The following FGF12 variants were observed in gnomAD, a reference collection of about 807,000 sequenced individuals.
The protein encoded by FGF12 is fibroblast growth factor 12, also known as fibroblast growth factor 12B.
A neutral mutation model predicts 23.6 loss-of-function variants in FGF12; 14 were observed. The observed-to-expected ratio is 0.59, with a 90% CI of 0.39 to 0.93. FGF12 has a LOEUF of 0.93. FGF12 is among the 40% of genes least tolerant of loss of function. The probability of loss-of-function intolerance (pLI) is 0.00; values close to 1 mark genes in which losing one functional copy is unlikely to be tolerated. For synonymous variants in FGF12, 62 were observed against 77.3 expected, an observed-to-expected ratio of 0.80 and a Z score of 1.04; for missense variants, 175 against 217.8, an observed-to-expected ratio of 0.80 and a Z score of 1.24.
At chr3:192,495,543 G>T (rs956080060) in intron 2 of FGF12, among the ~76,000 whole-genome samples, 1 of 152,108 alleles carries the variant, frequency 6.6e-6, no homozygotes, top group Non-Finnish European at 1.5e-5. Flanking sequence ...ACTCCAGGAT[G>T]CTGTAAACTC....
At chr3:192,396,670 A>AT (rs1207625911) in intron 2 of FGF12, among the ~76,000 whole-genome samples, 2 of 152,222 alleles carry the variant, frequency 1.3e-5, no homozygotes, top group African/African-American at 4.8e-5. Flanking sequence ...CTCAAGGCTA[A>AT]TGTCACAGTT....
At chr3:192,609,463 C>T (rs560964476) in intron 2 of FGF12, among the ~76,000 whole-genome samples, 2 of 152,180 alleles carry the variant, frequency 1.3e-5, no homozygotes, top group Admixed American at 6.6e-5. Flanking sequence ...TTGCCTTATA[C>T]GGCTGTTGCC....
chr3:192,613,833 T>A (rs1292387078), intron 2 of FGF12, among the ~76,000 whole-genome samples: 1 of 151,968 alleles, frequency 6.6e-6, no homozygotes, highest in Non-Finnish European at 1.5e-5. Context: ...ATGCAAACTT[T>A]TTTTTTCAGT....
chr3:192,307,059 G>T (rs1200287167), intron 4 of FGF12, among the ~76,000 whole-genome samples: 2 of 152,178 alleles, frequency 1.3e-5, no homozygotes, highest in Non-Finnish European at 2.9e-5. Flanking sequence ...TCAACAAATA[G>T]TTGAAAATGT....
intron 4 of FGF12, among the ~76,000 whole-genome samples, chr3:192,206,466 G>A (rs1486740860): frequency 6.6e-6 from 1 of 152,148 alleles, no homozygotes; most frequent in African/African-American, 2.4e-5. Context: ...ATGACAGGAA[G>A]AACAAAACAA....
At chr3:192,480,001 G>T (rs771739522) in intron 2 of FGF12, among the ~76,000 whole-genome samples, 12 of 151,886 alleles carry the variant, frequency 7.9e-5, no homozygotes, top group Non-Finnish European at 1.5e-4. Context: ...AAGAAAGAAG[G>T]ATTTGGGGGC....
intron 4 of FGF12, among the ~76,000 whole-genome samples, chr3:192,239,754 C>T (rs940814329): frequency 6.6e-6 from 1 of 152,180 alleles, no homozygotes; most frequent in Non-Finnish European, 1.5e-5. Flanking sequence ...ATCTGGAAAC[C>T]ATCTCCAACC....
intron 4 of FGF12, among the ~76,000 whole-genome samples, chr3:192,286,370 T>C (rs1163371335): frequency 1.3e-5 from 2 of 152,044 alleles, no homozygotes; most frequent in East Asian, 3.8e-4. Flanking sequence ...ACTCACTGTT[T>C]GCATTCACTG....
chr3:192,282,009 G>A (rs1413803037), intron 4 of FGF12, among the ~76,000 whole-genome samples: 1 of 152,144 alleles, frequency 6.6e-6, no homozygotes. Context: ...ATGACATACA[G>A]AGAACACACT....
intron 2 of FGF12, among the ~76,000 whole-genome samples, chr3:192,706,839 A>C (rs777551028): frequency 6.6e-6 from 1 of 152,240 alleles, no homozygotes; most frequent in Non-Finnish European, 1.5e-5. Context: ...AAAAAGAATT[A>C]TTCACTATAA....
At chr3:192,200,874 C>T (rs1717331577) in intron 4 of FGF12, among the ~76,000 whole-genome samples, 1 of 151,528 alleles carries the variant, frequency 6.6e-6, no homozygotes, top group Non-Finnish European at 1.5e-5. Context: ...AATAGGCTCC[C>T]ATTAGAACCA....
intron 2 of FGF12, among the ~76,000 whole-genome samples, chr3:192,567,800 T>TCTTC (rs1712405319): frequency 7.3e-6 from 1 of 136,838 alleles, no homozygotes; most frequent in Non-Finnish European, 1.6e-5. Flanking sequence ...TTTCTTTCTT[T>TCTTC]CTCTTTCTTT....
chr3:192,690,849 T>C (rs1577123707), intron 2 of FGF12, among the ~76,000 whole-genome samples: 1 of 151,944 alleles, frequency 6.6e-6, no homozygotes, highest in African/African-American at 2.4e-5. Flanking sequence ...ACTGAAGATA[T>C]TTAGTGCAAA....
intron 4 of FGF12, among the ~76,000 whole-genome samples, chr3:192,190,765 G>A (rs977764284): frequency 1.3e-5 from 2 of 152,050 alleles, no homozygotes; most frequent in Non-Finnish European, 2.9e-5. Context: ...GTGAGCCACC[G>A]CGCCCGGCCC....
intron 2 of FGF12, among the ~76,000 whole-genome samples, chr3:192,395,253 G>C (rs960446968): frequency 6.6e-6 from 1 of 152,202 alleles, no homozygotes; most frequent in African/African-American, 2.4e-5. Flanking sequence ...TGATAAGAAA[G>C]AGGTAAAGTT....
At chr3:192,311,456 C>T (rs1166375681) in intron 4 of FGF12, among the ~76,000 whole-genome samples, 1 of 152,078 alleles carries the variant, frequency 6.6e-6, no homozygotes, top group Non-Finnish European at 1.5e-5. Context: ...TCAATCTTAT[C>T]GTAGCATGCA....
chr3:192,485,227 T>G (rs1352142063), intron 2 of FGF12, among the ~76,000 whole-genome samples: 1 of 152,192 alleles, frequency 6.6e-6, no homozygotes, highest in Non-Finnish European at 1.5e-5. Flanking sequence ...CTTTATTGAC[T>G]TTATGGAGAC....
chr3:192,174,752 A>AT (rs1312918525), intron 4 of FGF12, among the ~76,000 whole-genome samples: 1 of 152,130 alleles, frequency 6.6e-6, no homozygotes, highest in Non-Finnish European at 1.5e-5. Context: ...TAAAAAAAAA[A>AT]AAAAAATCAG....
At chr3:192,616,655 CTGTT>C (rs1714765400) in intron 2 of FGF12, among the ~76,000 whole-genome samples, 1 of 151,946 alleles carries the variant, frequency 6.6e-6, no homozygotes, top group Admixed American at 6.6e-5. Context: ...AGTAGCTCAT[CTGTT>C]TGATGCATGA....
Sources: gnomAD v4.1 joint callset for allele counts (sites outside exome capture counted in the v4.1 genomes callset) on GRCh38, gnomAD v4.1.1 for gene constraint, MANE v1.5 for transcripts, NCBI Gene and HGNC (gene_info 2026-07-23, HGNC 2026-07-21) for gene names.